The following BICC1 variants were observed in gnomAD, a reference collection of about 807,000 sequenced individuals.
BICC1 encodes the protein BicC family RNA binding protein 1, also known as protein bicaudal C homolog 1.
In BICC1, 43 loss-of-function variants were observed where a neutral mutation model predicts 111.0. The ratio of observed to expected loss-of-function variants is 0.39; its 90% CI spans 0.30 to 0.50. The LOEUF (loss-of-function observed/expected upper bound fraction) is 0.50. Ranked by LOEUF, BICC1 falls within the 20% of genes least tolerant of loss-of-function variation. BICC1 has a pLI of 0.88. For synonymous variants in BICC1, 467 were observed against 434.4 expected (o/e 1.07, Z -0.93); for missense variants, 1,091 against 1,203.2 (o/e 0.91, Z 1.38).
chr10:58,804,580 T>C (rs1023850491), intron 15 of BICC1, among the ~76,000 whole-genome samples: 19 of 152,344 alleles, frequency 1.2e-4, no homozygotes, highest in African/African-American at 4.6e-4. Context: ...GGATGTATTT[T>C]CAGTTAATAT....
intron 1 of BICC1, among the ~76,000 whole-genome samples, chr10:58,533,502 A>G (rs571517102): frequency 4.0e-5 from 6 of 151,754 alleles, no homozygotes; most frequent in African/African-American, 1.4e-4. Flanking sequence ...TTTTAATTCA[A>G]TTTTCCATGA....
At chr10:58,528,253 A>G (rs947023387) in intron 1 of BICC1, among the ~76,000 whole-genome samples, 2 of 151,852 alleles carry the variant, frequency 1.3e-5, no homozygotes, top group African/African-American at 2.4e-5. Flanking sequence ...GCAGTTCTCC[A>G]TATGCAAGAT....
intron 1 of BICC1, among the ~76,000 whole-genome samples, chr10:58,565,990 A>G (rs902209436): frequency 6.6e-6 from 1 of 152,020 alleles, no homozygotes; most frequent in Non-Finnish European, 1.5e-5. Flanking sequence ...CTGAGTCCCT[A>G]TAGTCCATTG....
chr10:58,602,911 A>G (rs1845087477), intron 1 of BICC1, among the ~76,000 whole-genome samples: 1 of 152,196 alleles, frequency 6.6e-6, no homozygotes, highest in Non-Finnish European at 1.5e-5. Context: ...CCTCTGGATT[A>G]TAGACTTGGT....
intron 3 of BICC1, among the ~76,000 whole-genome samples, chr10:58,726,924 T>C (rs1841125187): frequency 2.0e-5 from 3 of 152,172 alleles, no homozygotes. Context: ...TGGAACTTTT[T>C]CCTCCTAGAA....
At chr10:58,644,327 C>T (rs1172318283) in intron 2 of BICC1, among the ~76,000 whole-genome samples, 1 of 152,148 alleles carries the variant, frequency 6.6e-6, no homozygotes, top group Non-Finnish European at 1.5e-5. Context: ...CTGACTTGGC[C>T]AGGTTTGCCT....
At chr10:58,696,230 A>G (rs1166695136) in intron 2 of BICC1, among the ~76,000 whole-genome samples, 2 of 152,004 alleles carry the variant, frequency 1.3e-5, no homozygotes, top group Non-Finnish European at 2.9e-5. Context: ...TTAAATATAA[A>G]GTGGAAAGTT....
At chr10:58,690,819 G>C (rs904508549) in intron 2 of BICC1, among the ~76,000 whole-genome samples, 1 of 152,066 alleles carries the variant, frequency 6.6e-6, no homozygotes, top group Non-Finnish European at 1.5e-5. Flanking sequence ...GTAGTAAAAT[G>C]TATTCCCTAA....
In BICC1 at chr10:58,813,938, G is replaced by A. The variant is rs1843998796; in HGVS notation, c.2485G>A (p.Glu829Lys). 5 of 1,613,920 alleles carry A rather than the reference G, an allele frequency of 3.1e-6. No individual in the cohort carries two copies. Among genetic ancestry groups the A allele is most frequent in the Non-Finnish European group, 4.2e-6 (5 of 1,179,948 alleles). ...RNGIGPGSHS[E>K]FAASIGSPKR... ...TGGAATTGGACCTGGAAGTCATAGTGAATTTGCAGCTTCTATTGGCAGCCC... is the reference window on the plus strand; with the variant it reads ...TGGAATTGGACCTGGAAGTCATAGTAAATTTGCAGCTTCTATTGGCAGCCC... Residue 829 changes from glutamate to lysine, a missense_variant, in exon 18 of 21, where the codon GAA (glutamate) becomes AAA (lysine). This residue lies in a region of BICC1 where 231 missense variants were observed against 256.2 expected (regional missense o/e 0.90). Transcript: ENST00000373886.
rs56310772 is a variant in BICC1, at chr10:58,816,745, C to CTGTGTG, written c.2534-772_2534-767dup. ...CTGCACTCTGCTGAAATCTCCAAGG[C>CTGTGTG]TGTGTGTGTGTGTGTGTGTGTGTGT... is the stretch of plus-strand genomic sequence containing the variant. On this transcript the variant is annotated intron_variant, in intron 18 of 20. Coordinates refer to ENST00000373886, the MANE Select transcript of BICC1 (RefSeq NM_001080512.3). Among the ~76,000 whole-genome samples, 508 of 122,154 alleles carry CTGTGTG rather than the reference C, an allele frequency of 4.2e-3. 9 individuals carry two copies. The highest frequency in any genetic ancestry group is 0.014 in the African/African-American group (461 of 31,840). 80.1% of individuals were successfully genotyped at this position (122,154 alleles called of 152,430 possible). A position where few individuals can be genotyped will look rare whatever the true frequency, so the allele number is the denominator to read the frequency against.
intron 3 of BICC1, among the ~76,000 whole-genome samples, chr10:58,753,894 C>T (rs1335899667): frequency 6.6e-6 from 1 of 152,000 alleles, no homozygotes; most frequent in Non-Finnish European, 1.5e-5. Context: ...TTTTTCTTCC[C>T]CCCCTTTACT....
At position 58,513,294 on chromosome 10, in the gene BICC1, T is replaced by G. The variant is rs1204475696; in HGVS notation, c.151T>G (p.Phe51Val). Residue 51 changes from phenylalanine (F) to valine (V), a missense_variant, in exon 1 of 21, where the codon TTC (phenylalanine) becomes GTC (valine). By Grantham distance (50) the Phe-to-Val change is conservative. Around this residue, in one of 3 missense-constraint regions of BICC1, gnomAD observed 843 missense variants for 900.8 expected, o/e 0.94. Transcript: ENST00000373886. Reference protein sequence around the residue: ...LHSPEWSEERFRVDRKKLEAM... With the variant: ...LHSPEWSEERVRVDRKKLEAM... Reference sequence around the variant, plus strand: ...CAGCCCGGAGTGGAGCGAGGAGCGCTTCCGCGTGGACAGGAAGAAACTTGA... The same window carrying G: ...CAGCCCGGAGTGGAGCGAGGAGCGCGTCCGCGTGGACAGGAAGAAACTTGA... 1 of 1,611,272 alleles carries G rather than the reference T, an allele frequency of 6.2e-7. No homozygotes were observed. Among genetic ancestry groups the G allele is most frequent in the South Asian group, 1.1e-5 (1 of 90,710 alleles).
At chr10:58,813,061 C>T (rs1039069552) in intron 17 of BICC1, among the ~76,000 whole-genome samples, 24 of 151,964 alleles carry the variant, frequency 1.6e-4, no homozygotes, top group Non-Finnish European at 1.5e-5. Flanking sequence ...TGTCTTTATG[C>T]CATTGCAAGA....
At chr10:58,627,689 A>G (rs1233479576) in intron 2 of BICC1, among the ~76,000 whole-genome samples, 1 of 152,212 alleles carries the variant, frequency 6.6e-6, no homozygotes, top group Non-Finnish European at 1.5e-5. Flanking sequence ...TTGCCTTTGC[A>G]TTGTGTGTCT....
intron 2 of BICC1, among the ~76,000 whole-genome samples, chr10:58,694,086 C>T (rs1450294060): frequency 6.6e-6 from 1 of 152,144 alleles, no homozygotes; most frequent in East Asian, 1.9e-4. Context: ...CATCTGGAGT[C>T]ACTCAAATAA....
At chr10:58,797,081 C>T (rs1683130133) in intron 10 of BICC1, among the ~76,000 whole-genome samples, 1 of 152,150 alleles carries the variant, frequency 6.6e-6, no homozygotes, top group Non-Finnish European at 1.5e-5. Context: ...CAAACGTCAT[C>T]ATCTCAGAGC....
At chr10:58,568,582 T>A (rs1843844154) in intron 1 of BICC1, among the ~76,000 whole-genome samples, 1 of 152,084 alleles carries the variant, frequency 6.6e-6, no homozygotes, top group Non-Finnish European at 1.5e-5. Context: ...AAAAACAGAA[T>A]AGAAGAGAAA....
intron 1 of BICC1, among the ~76,000 whole-genome samples, chr10:58,516,841 T>G (rs1842254809): frequency 6.6e-6 from 1 of 152,186 alleles, no homozygotes; most frequent in Non-Finnish European, 1.5e-5. Context: ...TAACTCACAT[T>G]AACTCAACTG....
intron 2 of BICC1, among the ~76,000 whole-genome samples, chr10:58,646,632 A>C (rs1294991243): frequency 6.6e-6 from 1 of 152,172 alleles, no homozygotes; most frequent in Admixed American, 6.6e-5. Flanking sequence ...CTAGCATGAT[A>C]TCTCTGTGCC....
Sources: gnomAD v4.1 joint callset for allele counts (sites outside exome capture counted in the v4.1 genomes callset) on GRCh38, gnomAD v4.1.1 for gene constraint, gnomAD v4.1.1 regional missense constraint, MANE v1.5 for transcripts, NCBI Gene and HGNC (gene_info 2026-07-23, HGNC 2026-07-21) for gene names.